NCALD: variants seen among roughly 807,000 people sequenced by gnomAD.
The protein encoded by NCALD is neurocalcin-delta.
A neutral mutation model predicts 18.6 loss-of-function variants in NCALD; 10 were observed. The observed-to-expected ratio is 0.54, with a 90% CI of 0.33 to 0.91. NCALD has a LOEUF of 0.91. Among genes scored for constraint, NCALD ranks in the 40% least tolerant of loss-of-function variants. The probability of loss-of-function intolerance (pLI) is 0.03; values close to 1 mark genes in which losing one functional copy is unlikely to be tolerated. For synonymous variants in NCALD, 88 were observed against 87.4 expected (o/e 1.01, Z -0.04); for missense variants, 184 against 247.6 (o/e 0.74, Z 1.72).
rs935109762 is a variant in NCALD at position 101,784,328 on chromosome 8, T to G, written c.-20+6534A>C. On this transcript the variant is annotated intron_variant, in intron 1 of 3. Coordinates refer to ENST00000220931, the MANE Select transcript of NCALD (RefSeq NM_032041.3). The stretch of plus-strand genomic sequence containing the variant: ...GGTGACTGGATTCTAAGGGAAAATG[T>G]CAAGAAGAAAAAGAATAGCAAGAGA... Among the ~76,000 whole-genome samples the G allele has an allele frequency of 4.6e-5, 7 of 152,220 alleles. No homozygotes were observed. In the South Asian group the frequency reaches 8.3e-4, roughly 18 times the overall value.
intron 1 of NCALD, among the ~76,000 whole-genome samples, chr8:102,057,354 T>C (rs948199005): frequency 1.3e-5 from 2 of 152,136 alleles, no homozygotes; most frequent in African/African-American, 4.8e-5. Flanking sequence ...TAATTAGTTA[T>C]AAACTCAAGC....
intron 2 of NCALD, among the ~76,000 whole-genome samples, chr8:101,920,901 A>G (rs476081): frequency 1 from 152,246 of 152,358 alleles, 76,069 homozygotes; most frequent in Middle Eastern, 1. Flanking sequence ...AAAGGAACTA[A>G]CTGACGCAGT....
intron 2 of NCALD, among the ~76,000 whole-genome samples, chr8:101,963,920 T>C (rs2131862224): frequency 6.6e-6 from 1 of 152,202 alleles, no homozygotes; most frequent in East Asian, 1.9e-4. Flanking sequence ...CTACTTCCAC[T>C]GAAAAAAAAT....
At chr8:102,070,027 T>C (rs1469168273) in intron 1 of NCALD, 1 of 151,974 alleles carries the variant, frequency 6.6e-6, no homozygotes, top group African/African-American at 2.4e-5. Context: ...GGCACCAGAA[T>C]TGCTTGAACC....
rs570555436 is a variant in NCALD, at chr8:102,054,342, C to T, written c.-209-34053G>A. 5.9e-5 allele frequency among the ~76,000 whole-genome samples: 9 copies of T among 152,078 alleles called. No homozygotes were observed. In the South Asian group the frequency reaches 8.3e-4, roughly 14 times the overall value. ...TTGGATGGGATTAGCTTTTTAAATC[C>T]GTAAATTAGAGTAAAGCAGATTACC... On this transcript the variant is annotated intron_variant, in intron 1 of 6. Coordinates refer to the NCALD transcript ENST00000311028.
At chr8:101,863,925 C>T (rs1815651163) in intron 4 of NCALD, among the ~76,000 whole-genome samples, 1 of 152,150 alleles carries the variant, frequency 6.6e-6, no homozygotes, top group Non-Finnish European at 1.5e-5. Context: ...CTGATGCCTG[C>T]TTTGCATCCC....
At chr8:101,795,515 C>T (rs892590869), upstream of NCALD, among the ~76,000 whole-genome samples, 14 of 152,080 alleles carry the variant, frequency 9.2e-5, no homozygotes, top group East Asian at 3.9e-4. Context: ...GCACACAGGA[C>T]GAAGACAGCT....
intron 1 of NCALD, among the ~76,000 whole-genome samples, chr8:101,730,406 G>A (rs1816766617): frequency 6.7e-6 from 1 of 150,206 alleles, no homozygotes; most frequent in Non-Finnish European, 1.5e-5. Flanking sequence ...CTTGAATCTG[G>A]GAGGTGGAGG....
intron 2 of NCALD, among the ~76,000 whole-genome samples, chr8:101,952,295 T>G (rs1364237964): frequency 6.6e-6 from 1 of 152,148 alleles, no homozygotes; most frequent in Non-Finnish European, 1.5e-5. Context: ...CGGCTCCCTC[T>G]CACACCAGAC....
chr8:101,884,540 T>G (rs1425269975), intron 4 of NCALD, among the ~76,000 whole-genome samples: 3 of 152,188 alleles, frequency 2.0e-5, no homozygotes, highest in East Asian at 3.8e-4. Context: ...GGGCTCAAGT[T>G]AGTAGGTACT....
chr8:101,769,780 G>A (rs952428926), intron 1 of NCALD, among the ~76,000 whole-genome samples: 6 of 152,074 alleles, frequency 3.9e-5, no homozygotes, highest in Admixed American at 6.6e-5. Context: ...GTTTGTTTAC[G>A]TCTATAAATT....
chr8:101,928,862 G>A (rs180693040), intron 2 of NCALD, among the ~76,000 whole-genome samples: 2 of 152,262 alleles, frequency 1.3e-5, no homozygotes, highest in Admixed American at 1.3e-4. Flanking sequence ...TGAGTCAACA[G>A]TATTAGATAC....
chr8:101,840,286 G>A (rs1043169564), intron 4 of NCALD, among the ~76,000 whole-genome samples: 2 of 152,170 alleles, frequency 1.3e-5, no homozygotes, highest in Admixed American at 6.5e-5. Flanking sequence ...TGCACACACA[G>A]GAGCTGAATA....
At chr8:101,836,139 A>G (rs536033540) in intron 4 of NCALD, among the ~76,000 whole-genome samples, 1 of 152,246 alleles carries the variant, frequency 6.6e-6, no homozygotes, top group Non-Finnish European at 1.5e-5. Flanking sequence ...CAGGATAAAC[A>G]CCATCAAATA....
At chr8:102,028,364 A>G (rs1822537242) in intron 1 of NCALD, among the ~76,000 whole-genome samples, 3 of 152,230 alleles carry the variant, frequency 2.0e-5, no homozygotes, top group Non-Finnish European at 4.4e-5. Context: ...TAATTTTTTA[A>G]ATAAAAAGGA....
chr8:102,029,256 G>A (rs1019123767), intron 1 of NCALD, among the ~76,000 whole-genome samples: 2 of 152,068 alleles, frequency 1.3e-5, no homozygotes, highest in African/African-American at 2.4e-5. Context: ...GGCCTGGAGA[G>A]GTAAAAATGG....
At chr8:101,805,307 T>C (rs1287928245) in intron 4 of NCALD, among the ~76,000 whole-genome samples, 1 of 152,144 alleles carries the variant, frequency 6.6e-6, no homozygotes, top group Non-Finnish European at 1.5e-5. Flanking sequence ...CTTTTCCCAT[T>C]AGCTCTCAGT....
intron 2 of NCALD, among the ~76,000 whole-genome samples, chr8:101,985,306 C>T (rs1386245618): frequency 6.6e-6 from 1 of 152,168 alleles, no homozygotes; most frequent in African/African-American, 2.4e-5. Flanking sequence ...ACTCGACCCA[C>T]CCCAGCTGAT....
intron 1 of NCALD, among the ~76,000 whole-genome samples, chr8:101,758,870 A>G (rs1265896832): frequency 6.6e-6 from 1 of 152,208 alleles, no homozygotes; most frequent in Non-Finnish European, 1.5e-5. Flanking sequence ...TGTGCATCCA[A>G]TAATAAGAAA....
Sources: allele counts gnomAD v4.1 joint callset (sites outside exome capture counted in the v4.1 genomes callset), GRCh38; gene constraint gnomAD v4.1.1; transcripts MANE v1.5; gene names NCBI Gene and HGNC (gene_info 2026-07-23, HGNC 2026-07-21).